Variants in P2RX5 observed in about 807,000 individuals in gnomAD.
P2RX5 encodes purinergic receptor P2X 5, also known as P2X purinoceptor 5.
A neutral mutation model predicts 54.1 loss-of-function variants in P2RX5; 46 were observed. That is an observed-to-expected ratio of 0.85 (90% CI 0.67 to 1.09). The LOEUF (loss-of-function observed/expected upper bound fraction) is 1.09, where lower values mean the gene tolerates loss of function less well. P2RX5 is among the 50% of genes least tolerant of loss of function. The pLI is 0.00. For missense variants in P2RX5, 566 were observed against 549.8 expected (o/e 1.03, Z -0.29); for synonymous variants, 226 against 226.4 (o/e 1.00, Z 0.02).
chr17:3,677,817 G>A (rs781724108), intron 11 of P2RX5: 75 of 985,220 alleles, frequency 7.6e-5, no homozygotes, highest in Non-Finnish European at 8.8e-5. Flanking sequence ...CTCCACTTCC[G>A]CTCAGCACCC....
the P2RX5 span, among the ~76,000 whole-genome samples, chr17:3,705,780 T>C: frequency 6.6e-6 from 1 of 152,070 alleles, no homozygotes; most frequent in African/African-American, 2.4e-5. Flanking sequence ...TATTTTTGTG[T>C]GTATATTAAT....
At chr17:3,701,749 T>TG in the P2RX5 span, among the ~76,000 whole-genome samples, 1 of 125,694 alleles carries the variant, frequency 8.0e-6, no homozygotes. Flanking sequence ...TTTCTCTGTT[T>TG]TTTTTTTTTT....
At chr17:3,704,984 C>A in the P2RX5 span, among the ~76,000 whole-genome samples, 817 of 152,214 alleles carry the variant, frequency 5.4e-3, 5 homozygotes, top group African/African-American at 0.018. Context: ...ACAGCCTGGA[C>A]AACAAGAGCA....
chr17:3,706,994 C>A, the P2RX5 span, among the ~76,000 whole-genome samples: 1 of 152,308 alleles, frequency 6.6e-6, no homozygotes, highest in East Asian at 1.9e-4. Context: ...AAGCTCATCA[C>A]CACTTTGGAA....
At chr17:3,721,637 T>G in the P2RX5 span, 1 of 152,194 alleles carries the variant, frequency 6.6e-6, no homozygotes, top group African/African-American at 2.4e-5. Flanking sequence ...CCATTGCTAC[T>G]TCTTCAGTTG....
the P2RX5 span, among the ~76,000 whole-genome samples, chr17:3,707,653 C>T: frequency 2.6e-5 from 4 of 152,014 alleles, no homozygotes; most frequent in Non-Finnish European, 5.9e-5. Flanking sequence ...GTCCAGACCC[C>T]CCTCTCGGCC....
chr17:3,719,252 A>AAAG, the P2RX5 span, among the ~76,000 whole-genome samples: 10,577 of 123,356 alleles, frequency 0.086, 436 homozygotes, highest in Non-Finnish European at 0.13. Flanking sequence ...AAAAAAAAAA[A>AAAG]AAAAGAAAAG....
At chr17:3,683,131 C>T (rs2050332527) in intron 9 of P2RX5, among the ~76,000 whole-genome samples, 1 of 152,136 alleles carries the variant, frequency 6.6e-6, no homozygotes, top group African/African-American at 2.4e-5. Flanking sequence ...CGGACCAGAG[C>T]GATGCAATTG....
chr17:3,691,678 A>C lies in P2RX5; in HGVS notation c.254T>G (p.Ile85Ser). 2 of 1,614,222 alleles carry C rather than the reference A, an allele frequency of 1.2e-6. No homozygotes were observed. The highest frequency in any genetic ancestry group is 1.7e-6 in the Non-Finnish European group (2 of 1,180,036). Residue 85 changes from isoleucine (I) to serine (S), a missense_variant, in exon 2 of 12, where the codon ATC becomes AGC. By Grantham distance (142) the Ile-to-Ser change is moderately radical. Coordinates refer to ENST00000225328, the MANE Select transcript of P2RX5 (RefSeq NM_002561.4). ...FTNTSDLGQR[I>S]WDVADYVIPA... ...AATGACGTAGTCGGCGACATCCCAG[A>C]TCCGCTGCCCAAGATCCGAGGTGTT...
At chr17:3,678,893 C>T (rs988503238) in intron 11 of P2RX5, among the ~76,000 whole-genome samples, 1 of 152,218 alleles carries the variant, frequency 6.6e-6, no homozygotes, top group African/African-American at 2.4e-5. Flanking sequence ...AGAGCAGGCC[C>T]GAGACAGGTC....
intron 11 of P2RX5, chr17:3,677,869 C>T: frequency 1.0e-6 from 1 of 985,382 alleles, no homozygotes; most frequent in Non-Finnish European, 1.2e-6. Context: ...AGGGACTCCT[C>T]TTCTAGGTCC....
chr17:3,688,818 C>T, intron 7 of P2RX5, 59 bp from the exon 8 acceptor site: 1 of 1,591,728 alleles, frequency 6.3e-7, no homozygotes, highest in Non-Finnish European at 8.6e-7. Context: ...GACAGCATCC[C>T]AGGCCAGCCC....
At chr17:3,677,220 C>T (rs923943924) in intron 11 of P2RX5, 18 of 985,212 alleles carry the variant, frequency 1.8e-5, no homozygotes, top group Admixed American at 1.2e-4. Flanking sequence ...TGCTGAGTGG[C>T]GCCATCCTTG....
intron 10 of P2RX5, among the ~76,000 whole-genome samples, chr17:3,681,604 C>A (rs761013183): frequency 4.7e-4 from 72 of 152,270 alleles, no homozygotes; most frequent in Non-Finnish European, 4.7e-4. Context: ...CCAACTCTCT[C>A]ATCTCCCAGA....
At chr17:3,685,192 T>G (rs2050406195) in intron 9 of P2RX5, among the ~76,000 whole-genome samples, 1 of 152,048 alleles carries the variant, frequency 6.6e-6, no homozygotes, top group Admixed American at 6.6e-5. Flanking sequence ...CTTTAGAAGT[T>G]CAGGGACTCA....
intron 1 of P2RX5, among the ~76,000 whole-genome samples, chr17:3,695,116 A>C (rs1445114412): frequency 6.6e-6 from 1 of 152,188 alleles, no homozygotes; most frequent in African/African-American, 2.4e-5. Context: ...GAACGAGTGG[A>C]ATGAGGCGCA....
chr17:3,677,135 G>A (rs952924502), intron 11 of P2RX5: 12 of 985,418 alleles, frequency 1.2e-5, no homozygotes, highest in Non-Finnish European at 1.4e-5. Context: ...CGGTAGGTGG[G>A]TGTGGCCGTG....
chr17:3,698,181 T>C (rs181624842), upstream of P2RX5, among the ~76,000 whole-genome samples: 465 of 151,926 alleles, frequency 3.1e-3, 2 homozygotes, highest in African/African-American at 0.011. Flanking sequence ...ACTCCAATGC[T>C]CACTAAAGCA....
intron 11 of P2RX5, among the ~76,000 whole-genome samples, chr17:3,675,125 C>T (rs187329767): frequency 4.0e-4 from 61 of 152,148 alleles, no homozygotes; most frequent in African/African-American, 1.3e-3. Flanking sequence ...CTGCAACCTC[C>T]GTCTCCCGGG....
Sources: gnomAD v4.1 joint callset for allele counts (sites outside exome capture counted in the v4.1 genomes callset) on GRCh38, gnomAD v4.1.1 for gene constraint, MANE v1.5 for transcripts, NCBI Gene and HGNC (gene_info 2026-07-23, HGNC 2026-07-21) for gene names.